MTRF1: variants seen among roughly 807,000 people sequenced by gnomAD.
MTRF1 encodes the protein mitochondrial translation release factor 1.
In MTRF1, 51 loss-of-function variants were observed where a neutral mutation model predicts 62.9. That is an observed-to-expected ratio of 0.81 (90% CI 0.65 to 1.02). MTRF1 has a LOEUF of 1.02. Among genes scored for constraint, MTRF1 ranks in the 50% least tolerant of loss-of-function variants. The pLI is 0.00. For synonymous variants in MTRF1, 158 were observed against 181.9 expected, an observed-to-expected ratio of 0.87 and a Z score of 1.06; for missense variants, 446 against 530.0, an observed-to-expected ratio of 0.84 and a Z score of 1.56.
At chr13:41,289,870 A>G in the MTRF1 span, among the ~76,000 whole-genome samples, 3 of 152,070 alleles carry the variant, frequency 2.0e-5, no homozygotes, top group Non-Finnish European at 4.4e-5. Flanking sequence ...TTGGGCTATG[A>G]ATTTTTGCCT....
chr13:41,269,603 A>G, the MTRF1 span, among the ~76,000 whole-genome samples: 1 of 152,112 alleles, frequency 6.6e-6, no homozygotes, highest in Non-Finnish European at 1.5e-5. Flanking sequence ...TTTTCCTACA[A>G]TATATTTTTG....
rs189476793 is a variant in MTRF1 at position 41,262,036 on chromosome 13, T to A, written c.-8-1121A>T. 978 of 148,764 alleles carry A rather than the reference T, an allele frequency of 6.6e-3. 7 individuals carry two copies. Among genetic ancestry groups the A allele is most frequent in the Non-Finnish European group, 0.011 (739 of 67,490 alleles). The allele number at this position is 148,764 out of a possible 1,614,324, so 9.2% of individuals were successfully genotyped here. On this transcript the variant is annotated intron_variant, in intron 1 of 9. Transcript: ENST00000379480. ...AGTATTTTTTAAAAAGAAAGTTAAA[T>A]AAGAAACATACCAAAATGTGCCGAG...
chr13:41,309,411 A>C, the MTRF1 span, among the ~76,000 whole-genome samples: 1 of 145,866 alleles, frequency 6.9e-6, no homozygotes, highest in Non-Finnish European at 1.5e-5. Context: ...CTGGTCTCCA[A>C]CTCCTGAGCT....
chr13:41,259,712 A>AAAAAAACAAAAACAAAAAAAAAC lies in MTRF1; in HGVS notation c.415+780_415+781insGTTTTTTTTTGTTTTTGTTTTTT, dbSNP rs1555268025. On this transcript the variant is annotated intron_variant, in intron 2 of 9. Coordinates refer to ENST00000379480, the MANE Select transcript of MTRF1 (RefSeq NM_004294.4). ...GCGAGACTCCGTCTCAAAAAAAAAA[A>AAAAAAACAAAAACAAAAAAAAAC]AAAAAAAAACATAAAAATAAAAAAT... Among the ~76,000 whole-genome samples, 94 of 136,738 alleles carry AAAAAAACAAAAACAAAAAAAAAC rather than the reference A, an allele frequency of 6.9e-4. 5 individuals are homozygous for AAAAAAACAAAAACAAAAAAAAAC. The highest frequency in any genetic ancestry group is 1.1e-3 in the Non-Finnish European group (69 of 63,900). 89.7% of individuals were successfully genotyped at this position (136,738 alleles called of 152,430 possible).
intron 2 of MTRF1, among the ~76,000 whole-genome samples, chr13:41,255,714 C>T (rs142033825): frequency 2.6e-5 from 4 of 152,092 alleles, no homozygotes; most frequent in South Asian, 4.1e-4. Context: ...ATACATATCA[C>T]GTGTGTCAGA....
Position 41,245,116 on chromosome 13 carries a change from CTGTT to C in MTRF1, c.698-4687_698-4684del, listed in dbSNP as rs1369174020. Among the ~76,000 whole-genome samples the C allele has an allele frequency of 2.4e-4, 37 of 152,116 alleles. 1 individual carries two copies. Among genetic ancestry groups the C allele is most frequent in the Admixed American group, 1.7e-3 (26 of 15,268 alleles). ...CTACTTTCTTAAGGCATTAAATGTT[CTGTT>C]TATCTGCTCATATGTTCCTTCTGAT... On this transcript the variant is annotated intron_variant, in intron 5 of 9. Transcript: ENST00000379480.
At chr13:41,295,661 T>C in the MTRF1 span, among the ~76,000 whole-genome samples, 1 of 152,250 alleles carries the variant, frequency 6.6e-6, no homozygotes, top group Non-Finnish European at 1.5e-5. Flanking sequence ...GGGTTAAGGT[T>C]TCCACAACCA....
At chr13:41,293,286 T>C in the MTRF1 span, among the ~76,000 whole-genome samples, 9 of 152,324 alleles carry the variant, frequency 5.9e-5, no homozygotes, top group Non-Finnish European at 1.0e-4. Context: ...ATAAAATATA[T>C]AGTAATTAAT....
At chr13:41,236,947 G>A (rs1183889099) in intron 6 of MTRF1, among the ~76,000 whole-genome samples, 1 of 152,154 alleles carries the variant, frequency 6.6e-6, no homozygotes, top group African/African-American at 2.4e-5. Flanking sequence ...GCCCGGCACT[G>A]TGGCTCACGC....
the MTRF1 span, among the ~76,000 whole-genome samples, chr13:41,292,520 G>T: frequency 6.1e-5 from 9 of 147,566 alleles, no homozygotes; most frequent in Admixed American, 1.4e-4. Flanking sequence ...GGCGGAGCTT[G>T]CAGTGAGCAG....
intron 2 of MTRF1, among the ~76,000 whole-genome samples, chr13:41,260,047 G>C (rs1052368742): frequency 3.3e-5 from 5 of 152,168 alleles, no homozygotes; most frequent in Non-Finnish European, 7.3e-5. Flanking sequence ...GAGACCACGG[G>C]AAGTACCACG....
At chr13:41,260,357 G>C in intron 2 of MTRF1, 136 bp downstream of exon 2, 1 of 911,220 alleles carries the variant, frequency 1.1e-6, no homozygotes, top group South Asian at 1.8e-5. Context: ...TGCTTCTGTG[G>C]GAAAAAAAAA....
chr13:41,254,447 T>C lies in MTRF1; in HGVS notation c.507+82A>G, dbSNP rs2039464003. 3.2e-6 allele frequency: 3 copies of C among 933,514 alleles called. 1 individual carries two copies. The highest frequency in any genetic ancestry group is 3.3e-5 in the South Asian group (2 of 60,810). 57.8% of individuals were successfully genotyped at this position (933,514 alleles called of 1,614,324 possible). On this transcript the variant is annotated intron_variant, in intron 3 of 9. Coordinates refer to ENST00000379480, the MANE Select transcript of MTRF1 (RefSeq NM_004294.4). ...ACTTAAAACAGTGTTTGGAAACCAC[T>C]ATGAGCACCGAAGCAGAGTCTAGCA...
intron 7 of MTRF1, among the ~76,000 whole-genome samples, chr13:41,231,259 A>G (rs2035507599): frequency 6.6e-6 from 1 of 152,250 alleles, no homozygotes; most frequent in Non-Finnish European, 1.5e-5. Flanking sequence ...AGTGCCAGAA[A>G]GGCTCAGAAA....
chr13:41,311,413 T>A, the MTRF1 span: 12 of 975,380 alleles, frequency 1.2e-5, no homozygotes, highest in African/African-American at 1.6e-5. Context: ...AATGAACTAA[T>A]CCATCGCCCG....
intron 9 of MTRF1, among the ~76,000 whole-genome samples, chr13:41,221,453 C>G (rs1879307206): frequency 6.6e-6 from 1 of 152,172 alleles, no homozygotes; most frequent in Admixed American, 6.5e-5. Flanking sequence ...CCACCGTGCC[C>G]AGCCAATTAT....
At chr13:41,287,322 A>G in the MTRF1 span, among the ~76,000 whole-genome samples, 1 of 152,294 alleles carries the variant, frequency 6.6e-6, no homozygotes, top group South Asian at 2.1e-4. Context: ...AGGAGGATGG[A>G]GTAGGTGCAA....
At chr13:41,287,920 GCTT>G in the MTRF1 span, 1 of 426,018 alleles carries the variant, frequency 2.3e-6, no homozygotes, top group South Asian at 2.0e-5. Context: ...ATGGGAGTCA[GCTT>G]CTTCTCCTTC....
At chr13:41,305,139 G>A in the MTRF1 span, among the ~76,000 whole-genome samples, 1 of 152,118 alleles carries the variant, frequency 6.6e-6, no homozygotes, top group East Asian at 1.9e-4. Flanking sequence ...TCACTGCAGC[G>A]TCGACCTCCC....
Sources: gnomAD v4.1 joint callset for allele counts (sites outside exome capture counted in the v4.1 genomes callset) on GRCh38, gnomAD v4.1.1 for gene constraint, MANE v1.5 for transcripts, NCBI Gene and HGNC (gene_info 2026-07-23, HGNC 2026-07-21) for gene names.